The following SMG1 variants were observed in gnomAD, a reference collection of about 807,000 sequenced individuals.
SMG1 encodes the protein SMG1 nonsense mediated mRNA decay associated PI3K related kinase.
SMG1 carries 22 observed loss-of-function variants against 419.9 expected under a neutral mutation model. The observed-to-expected ratio is 0.05, with a 90% CI of 0.04 to 0.07. The LOEUF is 0.07. SMG1 is among the 10% of genes least tolerant of loss of function. The pLI, the probability that SMG1 is intolerant of heterozygous loss-of-function variation, is 1.00. For synonymous variants in SMG1, 1,538 were observed against 1,553.5 expected (o/e 0.99, Z 0.23); for missense variants, 3,185 against 4,342.0 (o/e 0.73, Z 7.49).
chr16:18,848,161 T>C (rs2034374996), intron 36 of SMG1, 128 bp from the exon 37 acceptor site: 2 of 713,326 alleles, frequency 2.8e-6, no homozygotes, highest in Non-Finnish European at 4.6e-6. Flanking sequence ...CTTCCAGGCA[T>C]AGAACTGATT....
intron 60 of SMG1, among the ~76,000 whole-genome samples, chr16:18,814,229 T>C (rs1417325403): frequency 2.0e-5 from 3 of 152,070 alleles, no homozygotes; most frequent in East Asian, 1.9e-4. Flanking sequence ...TGTGTACATA[T>C]GCACAGCAAG....
intron 1 of SMG1, among the ~76,000 whole-genome samples, chr16:18,910,105 T>C (rs988747786): frequency 6.6e-6 from 1 of 152,072 alleles, no homozygotes; most frequent in Non-Finnish European, 1.5e-5. Context: ...AGAATCTTTT[T>C]TTTTTTTCTT....
rs749472681 is a variant in SMG1 at position 18,838,048 on chromosome 16, C to T, written c.7379G>A (p.Arg2460His). The part of the protein sequence containing the change: ...SKREMEREIT[R>H]SLFSSRVAEI... ...AGCTACTCTAGAAGAAAACAGGCTG[C>T]GGGTGATCTCTCGCTCCATCTCTCT... The change falls in exon 45 of 63, where the codon CGC becomes CAC. Residue 2460 changes from arginine to histidine, a missense_variant. Arg to His is a conservative substitution (Grantham distance 29, BLOSUM62 0). Transcript: ENST00000446231. 5.0e-6 allele frequency: 8 copies of T among 1,613,826 alleles called. No individual in the cohort carries two copies. The East Asian group carries it at 1.1e-4, about 22-fold the overall frequency.
chr16:18,849,159 C>T, intron 36 of SMG1, 58 bp downstream of exon 36: 1 of 1,174,932 alleles, frequency 8.5e-7, no homozygotes, highest in East Asian at 3.5e-5. Flanking sequence ...TTTGACCTCA[C>T]TAAAATTATT....
intron 18 of SMG1, 26 bp from the exon 19 acceptor site, chr16:18,870,020 T>C (rs369003363): frequency 4.0e-6 from 6 of 1,503,758 alleles, no homozygotes; most frequent in Non-Finnish European, 4.4e-6. Context: ...AAAGTTGTTA[T>C]GCAAAATATT....
At chr16:18,876,571 C>T (rs368798178) in intron 12 of SMG1, among the ~76,000 whole-genome samples, 178 bp from the exon 13 acceptor site, 2 of 151,846 alleles carry the variant, frequency 1.3e-5, no homozygotes, top group Admixed American at 6.6e-5. Context: ...AAAACTGACA[C>T]AGATCAGTAT....
chr16:18,818,385 C>CA (rs968791068), intron 56 of SMG1, among the ~76,000 whole-genome samples: 20 of 150,432 alleles, frequency 1.3e-4, no homozygotes, highest in South Asian at 6.3e-4. Context: ...AACTCCGTCT[C>CA]AAAAAAAACA....
chr16:18,898,336 T>G (rs2037216165), intron 1 of SMG1, among the ~76,000 whole-genome samples: 1 of 152,200 alleles, frequency 6.6e-6, no homozygotes, highest in Non-Finnish European at 1.5e-5. Flanking sequence ...AAGGAGTATC[T>G]TCTAATATTC....
At chr16:18,884,392 T>G (rs547820286) in intron 8 of SMG1, among the ~76,000 whole-genome samples, 1 of 152,306 alleles carries the variant, frequency 6.6e-6, no homozygotes, top group South Asian at 2.1e-4. Context: ...AATTAACAGG[T>G]AAATGTTATT....
At chr16:18,877,093 C>T (rs778025668) in intron 12 of SMG1, 38 bp downstream of exon 12, 11 of 1,454,708 alleles carry the variant, frequency 7.6e-6, no homozygotes, top group South Asian at 7.3e-5. Context: ...TCTTCAGTGA[C>T]TCAAGTTGTC....
intron 16 of SMG1, 145 bp downstream of exon 16, chr16:18,871,219 T>C (rs1303806278): frequency 1.6e-5 from 9 of 549,396 alleles, no homozygotes; most frequent in Admixed American, 7.3e-5. Context: ...TGAAAAAAAA[T>C]CAAGACTGTG....
intron 13 of SMG1, chr16:18,875,861 A>G (rs747715988): frequency 3.7e-4 from 194 of 526,188 alleles, no homozygotes; most frequent in South Asian, 5.3e-4. Flanking sequence ...AAATAGGAGA[A>G]ATTCATAAGA....
chr16:18,829,772 T>C lies in SMG1; in HGVS notation c.9134-17A>G, dbSNP rs1238983280. 1.3e-6 allele frequency: 2 copies of C among 1,574,906 alleles called. No individual in the cohort carries two copies. ...AACTTGATCCTACAAAAAGGAAAAA[T>C]TTCTTGTATTTCATGAAAAAAATCA... is the stretch of plus-strand genomic sequence containing the variant. On this transcript the variant is annotated splice_polypyrimidine_tract_variant and intron_variant, in intron 53 of 62. Coordinates refer to ENST00000446231, the MANE Select transcript of SMG1 (RefSeq NM_015092.5).
At position 18,863,682 on chromosome 16, in the gene SMG1, G is replaced by A. The variant is rs376660279; in HGVS notation, c.3663C>T (p.Ser1221=). The change falls in exon 25 of 63, where the codon TCC becomes TCT. Residue 1221 remains serine, a synonymous_variant. Transcript: ENST00000446231. The part of the protein sequence containing the change: ...HDLKKSTSST[S]LNLKADFNYI... ...AGTTGAAGTCAGCTTTCAGGTTGAGGGAAGTGCTACTGGTACTCTTTTTCA... is the reference window on the plus strand; with the variant it reads ...AGTTGAAGTCAGCTTTCAGGTTGAGAGAAGTGCTACTGGTACTCTTTTTCA... 37 of 1,595,010 alleles carry A rather than the reference G, an allele frequency of 2.3e-5. No homozygotes were observed. The African/African-American group carries it at 4.1e-4, about 18-fold the overall frequency.
chr16:18,916,384 G>A (rs1238543537), intron 1 of SMG1, among the ~76,000 whole-genome samples: 12 of 150,938 alleles, frequency 8.0e-5, no homozygotes, highest in South Asian at 6.3e-4. Flanking sequence ...GCGAGGTGGC[G>A]GGCGCCTGTA....
chr16:18,817,891 T>C (rs1252673519), intron 56 of SMG1, among the ~76,000 whole-genome samples: 8 of 152,030 alleles, frequency 5.3e-5, no homozygotes, highest in South Asian at 2.1e-4. Context: ...ATGATTAATA[T>C]TGTGGTTAGT....
chr16:18,918,291 G>GA (rs1483630160), intron 1 of SMG1, among the ~76,000 whole-genome samples: 1 of 151,656 alleles, frequency 6.6e-6, no homozygotes, highest in Non-Finnish European at 1.5e-5. Context: ...AACAAACAAA[G>GA]AAAAAAACAC....
Position 18,879,535 on chromosome 16 carries a change from C to T in SMG1, c.1478G>A (p.Gly493Asp). Residue 493 changes from glycine (G) to aspartate (D), a missense_variant, in exon 11 of 63, where the codon GGT becomes GAT. Transcript: ENST00000446231. ...CAAGACTGAGATGATATAATCGGTA[C>T]CACAAGTCTGGCAATTCTCCAGTTG... Reference protein sequence around the residue: ...LDQLENCQTCGTDYIISVLNL... With the variant: ...LDQLENCQTCDTDYIISVLNL... 4 of 1,131,230 alleles carry T rather than the reference C, an allele frequency of 3.5e-6. No homozygotes were observed. Among genetic ancestry groups the T allele is most frequent in the Non-Finnish European group, 5.1e-6 (4 of 777,752 alleles). The allele number at this position is 1,131,230 out of a possible 1,614,324, so 70.1% of individuals were successfully genotyped here. A position where few individuals can be genotyped will look rare whatever the true frequency, so the allele number is the denominator to read the frequency against.
In SMG1 at chr16:18,866,706, T is replaced by C. The variant is rs78393056; in HGVS notation, c.3265A>G (p.Ile1089Val). ...GATGACCAGACAGCAATTCCCTGTA[T>C]AGCTTCAGGACAATGAAGTTCACAT... ...ALCELHCPEA[I>V]QGIAVWSSSI... The change falls in exon 23 of 63, where the codon ATA becomes GTA. Residue 1089 changes from isoleucine to valine, a missense_variant. Around this residue, in one of 27 missense-constraint regions of SMG1, gnomAD observed 121 missense variants for 125.4 expected, o/e 0.96. Transcript: ENST00000446231. 1.3e-5 allele frequency: 21 copies of C among 1,595,158 alleles called. No individual in the cohort carries two copies. Among genetic ancestry groups the C allele is most frequent in the East Asian group, 8.9e-5 (4 of 44,866 alleles).
Sources: allele counts gnomAD v4.1 joint callset (sites outside exome capture counted in the v4.1 genomes callset), GRCh38; gene constraint gnomAD v4.1.1; regional missense constraint gnomAD v4.1.1; transcripts MANE v1.5; gene names NCBI Gene and HGNC (gene_info 2026-07-23, HGNC 2026-07-21).